Variants in EPHX1 observed in about 807,000 individuals in gnomAD.
The protein encoded by EPHX1 is epoxide hydrolase 1.
Under a neutral mutation model 43.2 loss-of-function variants are expected in EPHX1, and 40 were observed. That is an observed-to-expected ratio of 0.93 (90% confidence interval 0.72 to 1.21). The LOEUF is 1.21. EPHX1 is among the 50% of genes most tolerant of loss of function. The pLI, the probability that EPHX1 is intolerant of heterozygous loss-of-function variation, is 0.00. For synonymous variants in EPHX1, 221 were observed against 226.7 expected, an observed-to-expected ratio of 0.98 and a Z score of 0.22; for missense variants, 550 against 570.4, an observed-to-expected ratio of 0.96 and a Z score of 0.36.
intron 1 of EPHX1, among the ~76,000 whole-genome samples, chr1:225,824,812 C>T (rs971750164): frequency 1.3e-5 from 2 of 152,128 alleles, no homozygotes; most frequent in African/African-American, 2.4e-5. Context: ...AAGGCGGCAG[C>T]GGGGTTGGAA....
intron 3 of EPHX1, 35 bp downstream of exon 3, chr1:225,831,994 A>G (rs1040346830): frequency 1.9e-6 from 3 of 1,604,270 alleles, no homozygotes; most frequent in Non-Finnish European, 2.6e-6. Context: ...AGAGGGATGT[A>G]TGTCATGAGA....
At position 225,845,379 on chromosome 1, in the gene EPHX1, C is replaced by A. The variant is rs781593410; in HGVS notation, c.*32C>A. 131 of 1,543,222 alleles carry A rather than the reference C, an allele frequency of 8.5e-5. No homozygotes were observed. In the Middle Eastern group the frequency reaches 9.1e-4, roughly 11 times the overall value. ...CCTCTCCCCCCGCCTGCCACCTCCC[C>A]CCACAAGTGCCCTCCAGGCTTTTCT... On this transcript the variant is annotated 3_prime_UTR_variant, in exon 9 of 9. Transcript: ENST00000272167.
At chr1:225,822,440 T>A (rs1296525577) in intron 1 of EPHX1, among the ~76,000 whole-genome samples, 1 of 152,176 alleles carries the variant, frequency 6.6e-6, no homozygotes, top group Non-Finnish European at 1.5e-5. Flanking sequence ...AAAACTCGAA[T>A]CAGATAAAAT....
At chr1:225,830,228 G>A (rs567710353) in intron 2 of EPHX1, among the ~76,000 whole-genome samples, 1 of 152,322 alleles carries the variant, frequency 6.6e-6, no homozygotes, top group East Asian at 1.9e-4. Flanking sequence ...CTTGCTTGCT[G>A]CAGCCTTGCT....
intron 2 of EPHX1, among the ~76,000 whole-genome samples, chr1:225,831,363 A>G (rs1007578370): frequency 1.2e-4 from 18 of 152,170 alleles, no homozygotes; most frequent in African/African-American, 4.3e-4. Context: ...AGCCTGGCCA[A>G]CATGGCAAAA....
At chr1:225,814,388 A>T (rs1666624007) in intron 1 of EPHX1, among the ~76,000 whole-genome samples, 1 of 152,154 alleles carries the variant, frequency 6.6e-6, no homozygotes, top group South Asian at 2.1e-4. Flanking sequence ...TAAAAAGAAA[A>T]ACTACCTCTT....
intron 2 of EPHX1, among the ~76,000 whole-genome samples, 171 bp downstream of exon 2, chr1:225,829,083 T>G (rs1667430221): frequency 6.6e-6 from 1 of 151,908 alleles, no homozygotes. Flanking sequence ...GCAGGTTGCT[T>G]TGGAGAGGGA....
At chr1:225,822,664 C>G (rs531293211) in intron 1 of EPHX1, among the ~76,000 whole-genome samples, 21 of 152,200 alleles carry the variant, frequency 1.4e-4, no homozygotes, top group Non-Finnish European at 3.1e-4. Context: ...AAGGTGAAGG[C>G]TTAGCCACCA....
At chr1:225,814,834 C>G (rs916436981) in intron 1 of EPHX1, among the ~76,000 whole-genome samples, 1 of 152,236 alleles carries the variant, frequency 6.6e-6, no homozygotes, top group African/African-American at 2.4e-5. Context: ...TTGTAGCCCT[C>G]TTTCTGCTAG....
At chr1:225,844,356 CGAG>C in intron 7 of EPHX1, 139 bp from the exon 8 acceptor site, 2 of 1,321,838 alleles carry the variant, frequency 1.5e-6, no homozygotes, top group African/African-American at 1.4e-5. Context: ...GCCTGTGACA[CGAG>C]GATACCACAC....
intron 3 of EPHX1, among the ~76,000 whole-genome samples, chr1:225,836,341 C>T (rs1667965835): frequency 6.6e-6 from 1 of 152,188 alleles, no homozygotes; most frequent in South Asian, 2.1e-4. Context: ...CGCCAGTAAT[C>T]CCAACACTTT....
At chr1:225,838,055 A>C (rs1367756484) in intron 3 of EPHX1, among the ~76,000 whole-genome samples, 4 of 152,242 alleles carry the variant, frequency 2.6e-5, no homozygotes, top group Non-Finnish European at 5.9e-5. Flanking sequence ...ACATAGTATA[A>C]GTACAGTATA....
At chr1:225,819,101 C>G (rs1452310306) in intron 1 of EPHX1, among the ~76,000 whole-genome samples, 2 of 50,758 alleles carry the variant, frequency 3.9e-5, no homozygotes, top group Non-Finnish European at 8.7e-5. Context: ...GTGGCGGGCG[C>G]CTGTAGTCCC....
chr1:225,824,118 A>G (rs1010500348), intron 1 of EPHX1, among the ~76,000 whole-genome samples: 1 of 152,170 alleles, frequency 6.6e-6, no homozygotes, highest in Admixed American at 6.5e-5. Context: ...GCCTGGACTC[A>G]TTGGTCAGAC....
intron 6 of EPHX1, 90 bp from the exon 7 acceptor site, chr1:225,842,276 C>G: frequency 1.0e-6 from 1 of 996,596 alleles, no homozygotes; most frequent in African/African-American, 1.6e-5. Context: ...CAGCCCCGCC[C>G]TCTGCGGCCA....
chr1:225,834,403 C>CA (rs1015422240), intron 3 of EPHX1, among the ~76,000 whole-genome samples: 55 of 149,366 alleles, frequency 3.7e-4, no homozygotes, highest in East Asian at 1.2e-3. Context: ...GACTCCATCT[C>CA]AAAAAAAAAG....
At chr1:225,842,644 A>G (rs1017260736) in intron 7 of EPHX1, among the ~76,000 whole-genome samples, 170 bp downstream of exon 7, 16 of 152,340 alleles carry the variant, frequency 1.1e-4, no homozygotes, top group African/African-American at 3.4e-4. Context: ...TTTTTGGGTG[A>G]GGTGGCCTGG....
chr1:225,830,847 C>A (rs1358613758), intron 2 of EPHX1, among the ~76,000 whole-genome samples: 8 of 152,158 alleles, frequency 5.3e-5, no homozygotes, highest in African/African-American at 9.7e-5. Flanking sequence ...GGCCCATAGA[C>A]CAAATGTAGC....
chr1:225,824,642 AG>A (rs1331395902), intron 1 of EPHX1, among the ~76,000 whole-genome samples: 1 of 152,218 alleles, frequency 6.6e-6, no homozygotes, highest in Non-Finnish European at 1.5e-5. Context: ...CTCAGTCAAG[AG>A]GGCGCCACTC....
Sources: gnomAD v4.1 joint callset for allele counts (sites outside exome capture counted in the v4.1 genomes callset) on GRCh38, gnomAD v4.1.1 for gene constraint, MANE v1.5 for transcripts, NCBI Gene and HGNC (gene_info 2026-07-23, HGNC 2026-07-21) for gene names.